The following GYS2 variants were observed in gnomAD, a reference collection of about 807,000 sequenced individuals.
GYS2 encodes the protein glycogen [starch] synthase, liver.
A neutral mutation model predicts 85.6 loss-of-function variants in GYS2; 80 were observed. The observed-to-expected ratio is 0.93, with a 90% confidence interval of 0.78 to 1.13. The LOEUF is 1.13. Ranked by LOEUF, GYS2 falls within the 50% of genes most tolerant of loss-of-function variation. The pLI is 0.00. For missense variants in GYS2, 881 were observed against 854.9 expected (o/e 1.03, Z -0.38); for synonymous variants, 328 against 300.7 (o/e 1.09, Z -0.94).
At chr12:21,558,085 TA>T in intron 11 of GYS2, 114 bp downstream of exon 11, 1 of 735,586 alleles carries the variant, frequency 1.4e-6, no homozygotes, top group Non-Finnish European at 2.4e-6. Flanking sequence ...CATTTTCCTT[TA>T]AAATACTTAA....
intron 5 of GYS2, among the ~76,000 whole-genome samples, chr12:21,568,096 G>A (rs76738767): frequency 0.016 from 2,505 of 151,846 alleles, 28 homozygotes; most frequent in Middle Eastern, 0.028. Context: ...AAAAGGGGTC[G>A]AAATCACTGT....
At chr12:21,601,270 G>A (rs943239585) in intron 1 of GYS2, among the ~76,000 whole-genome samples, 5 of 151,876 alleles carry the variant, frequency 3.3e-5, no homozygotes, top group Admixed American at 1.3e-4. Flanking sequence ...TCCCTCAACT[G>A]GTAACAGTGC....
intron 1 of GYS2, among the ~76,000 whole-genome samples, chr12:21,586,457 A>ATCTG (rs890822385): frequency 6.7e-6 from 1 of 150,230 alleles, no homozygotes; most frequent in Non-Finnish European, 1.5e-5. Context: ...CTATCTATCT[A>ATCTG]TCTATCTCCT....
chr12:21,572,158 A>T (rs895554393), intron 4 of GYS2, among the ~76,000 whole-genome samples: 132 of 152,220 alleles, frequency 8.7e-4, no homozygotes, highest in African/African-American at 3.1e-3. Flanking sequence ...CTGGCTGAAA[A>T]TGGTTAAAAT....
In GYS2 at chr12:21,542,554, C is replaced by T. The variant is rs761899040; in HGVS notation, c.1587G>A (p.Thr529=). The T allele has an allele frequency of 3.0e-5, 48 of 1,613,660 alleles. No homozygotes were observed. In the Admixed American group the frequency reaches 3.7e-4, roughly 12 times the overall value. Residue 529 remains threonine, a synonymous_variant, in exon 13 of 16, where the codon ACG becomes ACA. Coordinates refer to ENST00000261195, the MANE Select transcript of GYS2 (RefSeq NM_021957.4). ...TGAAACAGCCAAACCCGGAGAGATT[C>T]GTGGTCACACTGGGGATACCCATCA... ...CTVMGIPSVT[T]NLSGFGCFMQ...
chr12:21,587,312 C>A (rs1312430389), intron 1 of GYS2, among the ~76,000 whole-genome samples: 2 of 152,100 alleles, frequency 1.3e-5, no homozygotes, highest in African/African-American at 2.4e-5. Context: ...TGTAAGGAAC[C>A]CGAGCTTGTA....
At chr12:21,545,570 T>G (rs1944028993) in intron 12 of GYS2, among the ~76,000 whole-genome samples, 1 of 152,264 alleles carries the variant, frequency 6.6e-6, no homozygotes, top group South Asian at 2.1e-4. Flanking sequence ...AGTATTTGTT[T>G]CCCTTTTAAT....
At chr12:21,554,776 G>T (rs539546754) in intron 11 of GYS2, among the ~76,000 whole-genome samples, 1 of 152,174 alleles carries the variant, frequency 6.6e-6, no homozygotes, top group South Asian at 2.1e-4. Flanking sequence ...ACATCAGGAA[G>T]GACACAGAGG....
At chr12:21,594,061 T>C (rs972810022) in intron 1 of GYS2, among the ~76,000 whole-genome samples, 4 of 152,096 alleles carry the variant, frequency 2.6e-5, no homozygotes, top group Non-Finnish European at 5.9e-5. Context: ...TCCTTCATGA[T>C]AAAAACTATC....
intron 4 of GYS2, among the ~76,000 whole-genome samples, chr12:21,569,309 C>CT (rs552097664): frequency 6.0e-4 from 92 of 152,284 alleles, no homozygotes; most frequent in African/African-American, 1.9e-3. Flanking sequence ...TTTAATTACA[C>CT]TTTTACTTAT....
intron 5 of GYS2, among the ~76,000 whole-genome samples, chr12:21,565,814 C>CAATGTT (rs1944314020): frequency 6.9e-5 from 1 of 14,542 alleles, no homozygotes; most frequent in African/African-American, 1.3e-4. Context: ...AAGTAGAAGA[C>CAATGTT]AATGTTACCC....
downstream of GYS2, among the ~76,000 whole-genome samples, chr12:21,534,637 A>G (rs1244526279): frequency 6.6e-6 from 1 of 152,142 alleles, no homozygotes; most frequent in Non-Finnish European, 1.5e-5. Context: ...GAGAGAAAGA[A>G]AGAAAAAGGA....
chr12:21,604,532 CGA>C lies in GYS2; in HGVS notation c.59_60del (p.Val20GlyfsTer12). On this transcript the variant is annotated frameshift_variant, in exon 1 of 16. Transcript: ENST00000261195. LOFTEE classifies it high-confidence loss of function. ...AGTAACTCCTCCACAGGAAGTTCTT[CGA>C]CTTCCCACTGGGGAAGCCCACCCAG... is the stretch of plus-strand genomic sequence containing the variant. ...TSLGGLPQWE[V>X]EELPVEELLL... The C allele has an allele frequency of 6.2e-7, 1 of 1,612,446 alleles. No individual in the cohort carries two copies. Among genetic ancestry groups the C allele is most frequent in the Non-Finnish European group, 8.5e-7 (1 of 1,178,692 alleles).
At position 21,563,044 on chromosome 12, in the gene GYS2, AC is replaced by A. The variant is rs537907545; in HGVS notation, c.942-7del. On this transcript the variant is annotated splice_polypyrimidine_tract_variant and splice_region_variant and intron_variant, in intron 6 of 15. Coordinates refer to ENST00000261195, the MANE Select transcript of GYS2 (RefSeq NM_021957.4). ...CAAGATCAAAGTCGAGATGACTAAA[AC>A]AAAACAAAACCAAACAGTTTCAAAT... The A allele has an allele frequency of 3.5e-4, 556 of 1,602,412 alleles. 7 individuals are homozygous for A. In the South Asian group the frequency reaches 5.8e-3, roughly 17 times the overall value.
At chr12:21,548,417 C>A (rs2136854551) in intron 11 of GYS2, among the ~76,000 whole-genome samples, 1 of 152,082 alleles carries the variant, frequency 6.6e-6, no homozygotes, top group East Asian at 1.9e-4. Context: ...GCATTTGCAC[C>A]ACGAAGATCT....
chr12:21,578,959 G>C (rs965369416), intron 2 of GYS2, among the ~76,000 whole-genome samples: 1 of 152,024 alleles, frequency 6.6e-6, no homozygotes, highest in Non-Finnish European at 1.5e-5. Flanking sequence ...TATATTCATA[G>C]AAAAATCTCA....
At chr12:21,589,948 C>T (rs969641545) in intron 1 of GYS2, among the ~76,000 whole-genome samples, 11 of 152,126 alleles carry the variant, frequency 7.2e-5, no homozygotes, top group African/African-American at 2.7e-4. Flanking sequence ...CTGCTGACAT[C>T]CCCCACCCAC....
chr12:21,555,523 T>C (rs1032510761), intron 11 of GYS2, among the ~76,000 whole-genome samples: 1 of 152,118 alleles, frequency 6.6e-6, no homozygotes, highest in African/African-American at 2.4e-5. Context: ...TAAATAAACA[T>C]AGAAATTGAC....
intron 11 of GYS2, among the ~76,000 whole-genome samples, chr12:21,549,998 C>T (rs550188839): frequency 6.6e-6 from 1 of 152,198 alleles, no homozygotes; most frequent in East Asian, 1.9e-4. Flanking sequence ...TTCAATGCAT[C>T]CTAATTCCTT....
Sources: allele counts gnomAD v4.1 joint callset (sites outside exome capture counted in the v4.1 genomes callset), GRCh38; gene constraint gnomAD v4.1.1; transcripts MANE v1.5; gene names NCBI Gene and HGNC (gene_info 2026-07-23, HGNC 2026-07-21).